DTD1: variants seen among roughly 807,000 people sequenced by gnomAD.
DTD1 encodes D-tyrosyl-tRNA deacylase 1 homolog.
In DTD1, 13 loss-of-function variants were observed where a neutral mutation model predicts 25.6. The observed-to-expected ratio is 0.51, with a 90% CI of 0.33 to 0.81. The LOEUF (loss-of-function observed/expected upper bound fraction) is 0.81. Among genes scored for constraint, DTD1 ranks in the 30% least tolerant of loss-of-function variants. The pLI, the probability that DTD1 is intolerant of heterozygous loss-of-function variation, is 0.02. For missense variants in DTD1, 193 were observed against 266.4 expected (o/e 0.72, Z 1.92); for synonymous variants, 110 against 103.6 (o/e 1.06, Z -0.37).
chr20:18,652,419 C>A (rs1268908103), intron 4 of DTD1, among the ~76,000 whole-genome samples: 1 of 152,234 alleles, frequency 6.6e-6, no homozygotes, highest in Non-Finnish European at 1.5e-5. Flanking sequence ...AACATTTTTA[C>A]TTTCTGGTGC....
chr20:18,593,726 T>C lies in DTD1; in HGVS notation c.44-5T>C, dbSNP rs536301437. On this transcript the variant is annotated splice_polypyrimidine_tract_variant and splice_region_variant and intron_variant, in intron 1 of 5. Coordinates refer to ENST00000377452, the MANE Select transcript of DTD1 (RefSeq NM_080820.6). ...GTTCTTCTCTCCCTTTTGGTTCCTT[T>C]CTAGTTGGAGGAGAGCAGATTAGTG... 2.5e-6 allele frequency: 4 copies of C among 1,613,106 alleles called. No homozygotes were observed. Among genetic ancestry groups the C allele is most frequent in the South Asian group, 2.2e-5 (2 of 91,040 alleles).
rs2061142786 is a variant in DTD1 at position 18,708,313 on chromosome 20, ATATATATTATAT to A, written c.478-35786_478-35775del. 5.3e-5 allele frequency among the ~76,000 whole-genome samples: 3 copies of A among 56,228 alleles called. 1 individual carries two copies. The highest frequency in any genetic ancestry group is 1.0e-4 in the Non-Finnish European group (3 of 29,326). 36.9% of individuals were successfully genotyped at this position (56,228 alleles called of 152,430 possible). A position where few individuals can be genotyped will look rare whatever the true frequency, so the allele number is the denominator to read the frequency against. On this transcript the variant is annotated intron_variant, in intron 4 of 5. Transcript: ENST00000377452. ...TATATATATAATATATATATTTTAT[ATATATATTATAT>A]ATATATATTTTATATATATATTATA...
intron 5 of DTD1, among the ~76,000 whole-genome samples, chr20:18,757,248 T>C (rs891835326): frequency 6.6e-6 from 1 of 152,246 alleles, no homozygotes; most frequent in East Asian, 1.9e-4. Flanking sequence ...GTTTTCCTAA[T>C]TGAATACCCT....
intron 4 of DTD1, among the ~76,000 whole-genome samples, chr20:18,649,293 G>C (rs2060863705): frequency 7.2e-6 from 1 of 138,530 alleles, no homozygotes; most frequent in African/African-American, 2.6e-5. Context: ...GAGCGAGAAA[G>C]ACTCTGATGG....
chr20:18,621,769 A>T (rs944277225), intron 3 of DTD1, among the ~76,000 whole-genome samples: 2 of 152,094 alleles, frequency 1.3e-5, no homozygotes, highest in Non-Finnish European at 2.9e-5. Context: ...TTACTTTTTT[A>T]AAAAAATTTT....
intron 5 of DTD1, among the ~76,000 whole-genome samples, chr20:18,744,509 G>T (rs967281791): frequency 6.6e-6 from 1 of 151,976 alleles, no homozygotes; most frequent in South Asian, 2.1e-4. Flanking sequence ...TAATGGACTC[G>T]CAGTTCCACG....
chr20:18,626,130 A>G (rs2060756650), intron 3 of DTD1, among the ~76,000 whole-genome samples: 1 of 152,220 alleles, frequency 6.6e-6, no homozygotes, highest in African/African-American at 2.4e-5. Context: ...AATAGTAATA[A>G]TAGTGACTAT....
intron 3 of DTD1, among the ~76,000 whole-genome samples, chr20:18,614,198 C>T (rs1306179649): frequency 2.6e-5 from 4 of 152,118 alleles, no homozygotes; most frequent in Admixed American, 1.3e-4. Context: ...TCAGGTTTTC[C>T]CAGCATGCTC....
At chr20:18,676,627 C>T (rs2060976053) in intron 4 of DTD1, among the ~76,000 whole-genome samples, 1 of 152,198 alleles carries the variant, frequency 6.6e-6, no homozygotes, top group African/African-American at 2.4e-5. Flanking sequence ...TCTCAAGGTT[C>T]TGCTGAGCAG....
intron 4 of DTD1, among the ~76,000 whole-genome samples, chr20:18,645,228 A>C (rs1370676697): frequency 3.3e-5 from 5 of 152,188 alleles, no homozygotes; most frequent in African/African-American, 1.2e-4. Flanking sequence ...GATAGATGAG[A>C]GATAGAGAGA....
At chr20:18,613,698 G>A (rs1236379440) in intron 3 of DTD1, among the ~76,000 whole-genome samples, 2 of 152,202 alleles carry the variant, frequency 1.3e-5, no homozygotes, top group African/African-American at 4.8e-5. Flanking sequence ...GGTGACTGGT[G>A]TGATGCATAC....
intron 3 of DTD1, among the ~76,000 whole-genome samples, chr20:18,615,844 C>T (rs1190965425): frequency 1.3e-5 from 2 of 152,170 alleles, no homozygotes; most frequent in Non-Finnish European, 2.9e-5. Context: ...CTCCATGGGA[C>T]GTCCATGATG....
chr20:18,651,244 C>T (rs1242759696), intron 4 of DTD1, among the ~76,000 whole-genome samples: 2 of 152,142 alleles, frequency 1.3e-5, no homozygotes, highest in South Asian at 2.1e-4. Flanking sequence ...CTCTGCCTCC[C>T]GGGTTCAAGT....
intron 3 of DTD1, among the ~76,000 whole-genome samples, chr20:18,612,859 A>G (rs1376448720): frequency 1.3e-5 from 2 of 152,006 alleles, no homozygotes; most frequent in South Asian, 2.1e-4. Flanking sequence ...GGGTTTCACC[A>G]TGTTGGCCAG....
intron 5 of DTD1, among the ~76,000 whole-genome samples, chr20:18,748,686 T>C (rs1299336039): frequency 2.0e-5 from 3 of 152,196 alleles, no homozygotes; most frequent in Non-Finnish European, 4.4e-5. Flanking sequence ...TGTGAACATT[T>C]CACATTTTTC....
At chr20:18,669,094 T>G (rs2060942474) in intron 4 of DTD1, among the ~76,000 whole-genome samples, 1 of 152,172 alleles carries the variant, frequency 6.6e-6, no homozygotes, top group Admixed American at 6.5e-5. Context: ...GACCCCTTTG[T>G]GGACTTGTAA....
chr20:18,623,659 G>T (rs1413938304), intron 3 of DTD1, among the ~76,000 whole-genome samples: 3 of 152,112 alleles, frequency 2.0e-5, no homozygotes, highest in African/African-American at 4.8e-5. Flanking sequence ...CCACCCTGGC[G>T]CAGGCCGTCT....
intron 5 of DTD1, among the ~76,000 whole-genome samples, chr20:18,746,565 C>T (rs117204879): frequency 0.013 from 2,021 of 152,070 alleles, 26 homozygotes; most frequent in African/African-American, 0.019. Flanking sequence ...CATGGTGGTG[C>T]TTGCCTATCA....
rs1352697399 is a variant in DTD1, at chr20:18,749,045, G to A, written c.*19+4774G>A. 6.6e-6 allele frequency among the ~76,000 whole-genome samples: 1 copy of A among 152,222 alleles called. No individual in the cohort carries two copies. Among genetic ancestry groups the A allele is most frequent in the Non-Finnish European group, 1.5e-5 (1 of 68,042 alleles). ...AGGAGGAAGAGGGCAATGGAGGGAA[G>A]TTCCTGGCTGGCCTCAGCCTTCAGG... On this transcript the variant is annotated intron_variant, in intron 5 of 5. Transcript: ENST00000377452. This position sits in a 1 kb window ranked among gnomAD's most constrained non-coding sequence, Gnocchi z 4.2.
Sources: gnomAD v4.1 joint callset for allele counts (sites outside exome capture counted in the v4.1 genomes callset) on GRCh38, gnomAD v4.1.1 for gene constraint, Gnocchi (gnomAD v3.1) non-coding constraint, MANE v1.5 for transcripts, NCBI Gene and HGNC (gene_info 2026-07-23, HGNC 2026-07-21) for gene names.